USP44: variants seen among roughly 807,000 people sequenced by gnomAD.
USP44 encodes the protein ubiquitin carboxyl-terminal hydrolase 44.
A neutral mutation model predicts 69.0 loss-of-function variants in USP44; 61 were observed. The observed-to-expected ratio is 0.88, with a 90% CI of 0.72 to 1.09. The LOEUF is 1.09. USP44 is among the 50% of genes least tolerant of loss of function. The pLI, the probability that USP44 is intolerant of heterozygous loss-of-function variation, is 0.00. For synonymous variants in USP44, 297 were observed against 295.4 expected, an observed-to-expected ratio of 1.01 and a Z score of -0.06; for missense variants, 753 against 849.9, an observed-to-expected ratio of 0.89 and a Z score of 1.42.
At chr12:95,532,754 C>A (rs187950864) in intron 2 of USP44, 75 bp downstream of exon 2, 21 of 1,281,560 alleles carry the variant, frequency 1.6e-5, no homozygotes, top group African/African-American at 1.1e-4. Context: ...ACTAGATGTA[C>A]ATAGAATATG....
intron 5 of USP44, among the ~76,000 whole-genome samples, chr12:95,520,120 CCT>C (rs1297341001): frequency 6.8e-6 from 1 of 147,808 alleles, no homozygotes; most frequent in African/African-American, 2.5e-5. Flanking sequence ...CTTGTCCTCA[CCT>C]CTCTTTTTCT....
intron 4 of USP44, chr12:95,522,019 C>G (rs1459733434): frequency 3.0e-6 from 3 of 984,912 alleles, no homozygotes; most frequent in Non-Finnish European, 3.6e-6. Context: ...GAAAGAATGC[C>G]CTTACCCTGT....
intron 1 of USP44, among the ~76,000 whole-genome samples, chr12:95,534,784 C>T (rs2197973): frequency 0.64 from 96,578 of 151,440 alleles, 31,899 homozygotes; most frequent in African/African-American, 0.81. Flanking sequence ...CACGTGATTG[C>T]TGTGCCTCAG....
chr12:95,527,954 T>C (rs2076903140), intron 3 of USP44, among the ~76,000 whole-genome samples: 1 of 150,576 alleles, frequency 6.6e-6, no homozygotes, highest in Non-Finnish European at 1.5e-5. Context: ...TTCTCCTGCC[T>C]CAGCCTCCCG....
chr12:95,525,194 C>T (rs773671953), intron 3 of USP44, among the ~76,000 whole-genome samples: 4 of 152,194 alleles, frequency 2.6e-5, no homozygotes, highest in Non-Finnish European at 5.9e-5. Flanking sequence ...GCCTCAGCCT[C>T]CCATGTAACT....
At chr12:95,527,182 C>G (rs578150243) in intron 3 of USP44, among the ~76,000 whole-genome samples, 3 of 152,076 alleles carry the variant, frequency 2.0e-5, no homozygotes, top group African/African-American at 7.2e-5. Flanking sequence ...GCAACCTCCC[C>G]CTCCCAGGTT....
At chr12:95,536,289 C>A (rs181444904) in intron 1 of USP44, among the ~76,000 whole-genome samples, 2 of 152,110 alleles carry the variant, frequency 1.3e-5, no homozygotes, top group African/African-American at 2.4e-5. Flanking sequence ...GTGATCTACC[C>A]GCCTAACCCT....
In USP44 at chr12:95,524,564, T is replaced by C. The variant is rs1324092367; in HGVS notation, c.1733+116A>G. On this transcript the variant is annotated intron_variant, in intron 4 of 5. Coordinates refer to ENST00000258499, the MANE Select transcript of USP44 (RefSeq NM_032147.5). ...CAAGTATATGATATTAAAAGTTAAT[T>C]CATTTGTCAGAAAGGTGATTAAAGT... 7 of 696,538 alleles carry C rather than the reference T, an allele frequency of 1.0e-5. No homozygotes were observed. In the Admixed American group the frequency reaches 2.0e-4, roughly 20 times the overall value. 43.1% of individuals were successfully genotyped at this position (696,538 alleles called of 1,614,324 possible).
intron 2 of USP44, 89 bp downstream of exon 2, chr12:95,532,740 A>T: frequency 8.8e-7 from 1 of 1,132,580 alleles, no homozygotes; most frequent in Non-Finnish European, 1.2e-6. Flanking sequence ...TACTAGCTCA[A>T]CACACTAGAT....
chr12:95,523,688 C>CAAAAA (rs2076738690), intron 4 of USP44, among the ~76,000 whole-genome samples: 1 of 87,212 alleles, frequency 1.1e-5, no homozygotes, highest in African/African-American at 5.4e-5. Flanking sequence ...CCTGTCTCTA[C>CAAAAA]CAAAAAAAAA....
rs143674132 is a variant in USP44, at chr12:95,525,867, G to C, written c.1625-1079C>G. Reference sequence around the variant, plus strand: ...TCCGACTCCAGCCATGGCAGCAGCTGCTTCTCATGTGGGAAGCAGGCTCAG... The same window carrying C: ...TCCGACTCCAGCCATGGCAGCAGCTCCTTCTCATGTGGGAAGCAGGCTCAG... On this transcript the variant is annotated intron_variant, in intron 3 of 5. Transcript: ENST00000258499. Among the ~76,000 whole-genome samples the C allele has an allele frequency of 2.5e-3, 379 of 152,324 alleles. 3 individuals are homozygous for C. Among genetic ancestry groups the C allele is most frequent in the African/African-American group, 8.9e-3 (372 of 41,584 alleles).
At chr12:95,541,681 C>T (rs926933092) in intron 1 of USP44, among the ~76,000 whole-genome samples, 8 of 152,158 alleles carry the variant, frequency 5.3e-5, no homozygotes, top group East Asian at 1.9e-4. Flanking sequence ...TCAATAAAAA[C>T]GTATACATTT....
intron 1 of USP44, among the ~76,000 whole-genome samples, chr12:95,543,019 C>T (rs192330945): frequency 6.7e-6 from 1 of 149,986 alleles, no homozygotes; most frequent in African/African-American, 2.5e-5. Flanking sequence ...ACCCGGGAGG[C>T]GGAGCTTGCA....
chr12:95,539,149 CCAAATT>C (rs1162037288), intron 1 of USP44, among the ~76,000 whole-genome samples: 1 of 152,082 alleles, frequency 6.6e-6, no homozygotes, highest in African/African-American at 2.4e-5. Context: ...GTTTCACACT[CCAAATT>C]CAAATCAGTA....
intron 1 of USP44, among the ~76,000 whole-genome samples, chr12:95,539,855 G>C (rs1230640253): frequency 1.3e-5 from 2 of 152,184 alleles, no homozygotes; most frequent in Admixed American, 6.5e-5. Flanking sequence ...GATCTTATAA[G>C]GGATTTTTAA....
At chr12:95,544,804 C>A (rs1299192113) in intron 1 of USP44, among the ~76,000 whole-genome samples, 1 of 152,050 alleles carries the variant, frequency 6.6e-6, no homozygotes, top group Non-Finnish European at 1.5e-5. Context: ...CATTAAGAAG[C>A]TTCCCCCCGC....
Position 95,548,395 on chromosome 12 carries a change from C to T in USP44, c.-71+2877G>A, listed in dbSNP as rs188262599. On this transcript the variant is annotated intron_variant, in intron 1 of 5. Coordinates refer to ENST00000258499, the MANE Select transcript of USP44 (RefSeq NM_032147.5). This position sits in a 1 kb window ranked among gnomAD's most constrained non-coding sequence, Gnocchi z 4.1. ...GCCGGGATCAGCGCGAAGCCCCTTC[C>T]AGTCCCCGAAGCCCTCGCCCGCGCC... 2.7e-4 allele frequency: 41 copies of T among 153,052 alleles called. No homozygotes were observed. Among genetic ancestry groups the T allele is most frequent in the Middle Eastern group, 3.3e-3 (1 of 302 alleles). 9.5% of individuals were successfully genotyped at this position (153,052 alleles called of 1,614,324 possible).
chr12:95,542,292 G>T (rs2077414694), intron 1 of USP44, among the ~76,000 whole-genome samples: 1 of 152,124 alleles, frequency 6.6e-6, no homozygotes, highest in Non-Finnish European at 1.5e-5. Context: ...TAACTGTTGG[G>T]TAGGCTCCTT....
At chr12:95,550,218 C>T (rs537007334) in intron 1 of USP44, among the ~76,000 whole-genome samples, 1 of 144,528 alleles carries the variant, frequency 6.9e-6, no homozygotes, top group East Asian at 2.0e-4. Flanking sequence ...TGATATAACA[C>T]AGGAAGTTCT....
Sources: gnomAD v4.1 joint callset for allele counts (sites outside exome capture counted in the v4.1 genomes callset) on GRCh38, gnomAD v4.1.1 for gene constraint, Gnocchi (gnomAD v3.1) non-coding constraint, MANE v1.5 for transcripts, NCBI Gene and HGNC (gene_info 2026-07-23, HGNC 2026-07-21) for gene names.